Variants in KCNK1 observed in about 807,000 individuals in gnomAD.
The protein encoded by KCNK1 is potassium channel subfamily K member 1.
Under a neutral mutation model 22.2 loss-of-function variants are expected in KCNK1, and 10 were observed. That is an observed-to-expected ratio of 0.45 (90% CI 0.28 to 0.76). KCNK1 has a LOEUF of 0.76. Among genes scored for constraint, KCNK1 ranks in the 30% least tolerant of loss-of-function variants. The pLI is 0.14. For missense variants in KCNK1, 378 were observed against 421.0 expected, an observed-to-expected ratio of 0.90 and a Z score of 0.89; for synonymous variants, 200 against 186.4, an observed-to-expected ratio of 1.07 and a Z score of -0.60.
chr1:233,667,942 G>A (rs546131239), intron 2 of KCNK1, among the ~76,000 whole-genome samples: 14 of 152,248 alleles, frequency 9.2e-5, no homozygotes, highest in African/African-American at 3.4e-4. Context: ...CTTTTTAGAA[G>A]AAGTTCGCCT....
chr1:233,632,061 C>T lies in KCNK1; in HGVS notation c.355+17535C>T, dbSNP rs143663170. Among the ~76,000 whole-genome samples, 240 of 152,310 alleles carry T rather than the reference C, an allele frequency of 1.6e-3. 1 individual carries two copies. The highest frequency in any genetic ancestry group is 5.3e-3 in the African/African-American group (221 of 41,558). Reference sequence around the variant, plus strand: ...CCCATCCTGTTCCCTCTTCCACGTGCGTGCTGCTGTGCTTACTGGAACAGG... The same window carrying T: ...CCCATCCTGTTCCCTCTTCCACGTGTGTGCTGCTGTGCTTACTGGAACAGG... On this transcript the variant is annotated intron_variant, in intron 1 of 2. Coordinates refer to ENST00000366621, the MANE Select transcript of KCNK1 (RefSeq NM_002245.4).
At chr1:233,650,796 T>C (rs867549896) in intron 1 of KCNK1, among the ~76,000 whole-genome samples, 6 of 100,008 alleles carry the variant, frequency 6.0e-5, no homozygotes, top group Admixed American at 4.7e-4. Flanking sequence ...TTTCGAACAA[T>C]AGAAAAAAAA....
intron 1 of KCNK1, among the ~76,000 whole-genome samples, chr1:233,657,252 C>T (rs1658314270): frequency 6.6e-6 from 1 of 152,140 alleles, no homozygotes; most frequent in Non-Finnish European, 1.5e-5. Flanking sequence ...CCACAACCCC[C>T]GCAGCCAAGG....
chr1:233,648,040 A>G (rs957378864), intron 1 of KCNK1, among the ~76,000 whole-genome samples: 3 of 152,194 alleles, frequency 2.0e-5, no homozygotes, highest in Non-Finnish European at 2.9e-5. Context: ...TAATTCTTCC[A>G]TCTGAAGATA....
At chr1:233,649,841 G>A (rs1658168339) in intron 1 of KCNK1, 1 of 429,500 alleles carries the variant, frequency 2.3e-6, no homozygotes, top group Non-Finnish European at 4.8e-6. Flanking sequence ...GACTGTAGCA[G>A]GGAATGAAAT....
intron 1 of KCNK1, among the ~76,000 whole-genome samples, chr1:233,652,987 T>G (rs1658226847): frequency 6.6e-6 from 1 of 152,212 alleles, no homozygotes; most frequent in Non-Finnish European, 1.5e-5. Flanking sequence ...TGAGCATGCC[T>G]TTCCTATGCA....
intron 1 of KCNK1, among the ~76,000 whole-genome samples, chr1:233,634,266 A>G (rs1310989515): frequency 6.6e-6 from 1 of 151,332 alleles, no homozygotes; most frequent in Non-Finnish European, 1.5e-5. Flanking sequence ...AGATCTCGCC[A>G]CTGCACTCCA....
rs1657785350 is a variant in KCNK1 at position 233,631,244 on chromosome 1, T to G, written c.355+16718T>G. 5.7e-6 allele frequency: 3 copies of G among 529,824 alleles called. No individual in the cohort carries two copies. The Middle Eastern group carries it at 9.5e-4, about 169-fold the overall frequency. 32.8% of individuals were successfully genotyped at this position (529,824 alleles called of 1,614,324 possible). ...GTGACCGATTATCATTGTGTTTCCC[T>G]TTGCCACCAGGTGCGGGTTTCTGAC... is the stretch of plus-strand genomic sequence containing the variant. On this transcript the variant is annotated intron_variant, in intron 1 of 2. Transcript: ENST00000366621.
intron 2 of KCNK1, among the ~76,000 whole-genome samples, chr1:233,669,486 T>A (rs1213701267): frequency 6.6e-6 from 1 of 152,216 alleles, no homozygotes; most frequent in Non-Finnish European, 1.5e-5. Context: ...GTGGGCAGGA[T>A]AAAATACCCC....
Position 233,666,722 on chromosome 1 carries a change from C to A in KCNK1, c.483C>A (p.Thr161=), listed in dbSNP as rs370288142. 1 of 1,614,150 alleles carries A rather than the reference C, an allele frequency of 6.2e-7. No homozygotes were observed. The highest frequency in any genetic ancestry group is 8.5e-7 in the Non-Finnish European group (1 of 1,180,036). Residue 161 remains threonine (T), a synonymous_variant, in exon 2 of 3, where the codon ACC becomes ACA. Transcript: ENST00000366621. ...AVVQRITVHV[T]RRPVLYFHIR... is the part of the protein sequence containing the mutation. ...TCCAGCGCATCACCGTGCACGTCAC[C>A]CGCAGGCCGGTCCTCTACTTCCACA...
intron 1 of KCNK1, among the ~76,000 whole-genome samples, chr1:233,645,180 T>A (rs1167719863): frequency 6.7e-6 from 1 of 148,344 alleles, no homozygotes; most frequent in Non-Finnish European, 1.5e-5. Context: ...GGTGACAGAG[T>A]GAGACTTTGT....
At chr1:233,655,022 T>C (rs1301468398) in intron 1 of KCNK1, among the ~76,000 whole-genome samples, 1 of 152,000 alleles carries the variant, frequency 6.6e-6, no homozygotes, top group African/African-American at 2.4e-5. Flanking sequence ...TGTAGAGTCA[T>C]AGACACGATT....
At chr1:233,651,570 G>A (rs1658202418) in intron 1 of KCNK1, among the ~76,000 whole-genome samples, 1 of 152,018 alleles carries the variant, frequency 6.6e-6, no homozygotes, top group Non-Finnish European at 1.5e-5. Flanking sequence ...AAGTGAGAGG[G>A]GAAAATATCA....
intron 1 of KCNK1, among the ~76,000 whole-genome samples, chr1:233,653,106 C>G (rs1376435557): frequency 1.3e-5 from 2 of 152,228 alleles, no homozygotes; most frequent in African/African-American, 4.8e-5. Context: ...TACCAGACAA[C>G]TGGGACAACT....
intron 1 of KCNK1, among the ~76,000 whole-genome samples, chr1:233,623,888 G>C (rs1164175092): frequency 1.3e-5 from 2 of 152,090 alleles, no homozygotes; most frequent in East Asian, 3.9e-4. Flanking sequence ...ACCGCACCTT[G>C]CCAAAAAAGC....
In KCNK1 at chr1:233,671,317, C is replaced by T. The variant is rs1338146094; in HGVS notation, c.798C>T (p.Thr266=). 6.2e-7 allele frequency: 1 copy of T among 1,614,162 alleles called. No individual in the cohort carries two copies. The highest frequency in any genetic ancestry group is 8.5e-7 in the Non-Finnish European group (1 of 1,180,006). Residue 266 remains threonine, a synonymous_variant, in exon 3 of 3, where the codon ACC becomes ACT. Transcript: ENST00000366621. ...GLIAMLVVLE[T]FCELHELKKF... ...TTGCCATGTTGGTAGTTCTGGAAAC[C>T]TTCTGTGAACTCCATGAGCTGAAAA...
chr1:233,646,101 G>T (rs772180368), intron 1 of KCNK1, among the ~76,000 whole-genome samples: 1 of 152,124 alleles, frequency 6.6e-6, no homozygotes, highest in African/African-American at 2.4e-5. Context: ...TTTCATGGAC[G>T]TATTGATTTT....
chr1:233,647,647 C>T (rs1289499479), intron 1 of KCNK1, among the ~76,000 whole-genome samples: 1 of 152,148 alleles, frequency 6.6e-6, no homozygotes, highest in African/African-American at 2.4e-5. Flanking sequence ...ATTCTCTGCT[C>T]CACTCTGGCT....
In KCNK1 at chr1:233,614,177, G is replaced by C; in HGVS notation, c.6G>C (p.Leu2=). The change falls in exon 1 of 3, where the codon CTG becomes CTC. Residue 2 remains leucine, a synonymous_variant. Coordinates refer to ENST00000366621, the MANE Select transcript of KCNK1 (RefSeq NM_002245.4). ...TGGCGGCGGCGGTGGAGAAGATGCT[G>C]CAGTCCCTGGCCGGCAGCTCGTGCG... M[L]QSLAGSSCVR... The C allele has an allele frequency of 6.2e-7, 1 of 1,600,596 alleles. No individual in the cohort carries two copies. The highest frequency in any genetic ancestry group is 8.5e-7 in the Non-Finnish European group (1 of 1,178,108).
Sources: gnomAD v4.1 joint callset for allele counts (sites outside exome capture counted in the v4.1 genomes callset) on GRCh38, gnomAD v4.1.1 for gene constraint, MANE v1.5 for transcripts, NCBI Gene and HGNC (gene_info 2026-07-23, HGNC 2026-07-21) for gene names.